Variants in GPC5 observed in about 807,000 individuals in gnomAD.
GPC5 encodes glypican-5.
In GPC5, 47 loss-of-function variants were observed where a neutral mutation model predicts 53.9. The ratio of observed to expected loss-of-function variants is 0.87; its 90% CI spans 0.69 to 1.11. The LOEUF (loss-of-function observed/expected upper bound fraction) is 1.11, where lower values mean the gene tolerates loss of function less well. GPC5 is among the 50% of genes most tolerant of loss of function. The pLI is 0.00. For synonymous variants in GPC5, 286 were observed against 263.3 expected, an observed-to-expected ratio of 1.09 and a Z score of -0.84; for missense variants, 748 against 713.1, an observed-to-expected ratio of 1.05 and a Z score of -0.56.
Position 92,141,552 on chromosome 13 carries a change from C to A in GPC5, c.1402-3278C>A, listed in dbSNP as rs117779796. ...CTAGAGAATCAAAAGCTTTCAAACA[C>A]AATTGCCAAGCAGTAAATGTGGCCC... On this transcript the variant is annotated intron_variant, in intron 6 of 7. Transcript: ENST00000377067. Among the ~76,000 whole-genome samples, 233 of 152,296 alleles carry A rather than the reference C, an allele frequency of 1.5e-3. 2 individuals carry two copies. In the East Asian group the frequency reaches 0.023, roughly 15 times the overall value.
At chr13:92,306,442 C>G (rs1466318376) in intron 7 of GPC5, among the ~76,000 whole-genome samples, 1 of 152,162 alleles carries the variant, frequency 6.6e-6, no homozygotes, top group African/African-American at 2.4e-5. Context: ...GTAAGGAGAG[C>G]TTGAGGGATC....
At chr13:91,856,735 T>G (rs2038971401) in intron 5 of GPC5, among the ~76,000 whole-genome samples, 1 of 151,380 alleles carries the variant, frequency 6.6e-6, no homozygotes, top group Admixed American at 6.6e-5. Context: ...TGCAGCTTGC[T>G]GTTTTATTTT....
intron 5 of GPC5, among the ~76,000 whole-genome samples, chr13:91,759,198 AT>A (rs1371921047): frequency 6.6e-6 from 1 of 152,044 alleles, no homozygotes; most frequent in Non-Finnish European, 1.5e-5. Context: ...TAAAATTTTA[AT>A]TTTAGTCATG....
chr13:92,016,303 T>C (rs1329561422), intron 6 of GPC5, among the ~76,000 whole-genome samples: 2 of 152,230 alleles, frequency 1.3e-5, no homozygotes, highest in African/African-American at 2.4e-5. Context: ...TCATATATTA[T>C]TTATACATTG....
At chr13:92,748,553 C>T (rs1594476309) in intron 7 of GPC5, among the ~76,000 whole-genome samples, 1 of 151,812 alleles carries the variant, frequency 6.6e-6, no homozygotes, top group African/African-American at 2.4e-5. Context: ...GAACTCCTGA[C>T]CTTGTGATCC....
chr13:91,472,520 C>G (rs1882691210), intron 2 of GPC5, among the ~76,000 whole-genome samples: 1 of 152,148 alleles, frequency 6.6e-6, no homozygotes, highest in South Asian at 2.1e-4. Context: ...ACATATATTT[C>G]TAGATTAATA....
At chr13:92,092,116 T>A (rs570014945) in intron 6 of GPC5, among the ~76,000 whole-genome samples, 14 of 152,320 alleles carry the variant, frequency 9.2e-5, no homozygotes, top group African/African-American at 3.1e-4. Context: ...ATATATCTCT[T>A]AAATGGTGTC....
At chr13:92,411,379 C>T (rs1238070714) in intron 7 of GPC5, among the ~76,000 whole-genome samples, 3 of 152,180 alleles carry the variant, frequency 2.0e-5, no homozygotes, top group African/African-American at 7.2e-5. Context: ...CATTCAAAAA[C>T]ATTTGCAGAT....
chr13:92,106,950 T>TC (rs1329948196), intron 6 of GPC5, among the ~76,000 whole-genome samples: 1 of 152,104 alleles, frequency 6.6e-6, no homozygotes, highest in Non-Finnish European at 1.5e-5. Context: ...ACAGTAATTC[T>TC]TTTTGTATTT....
At chr13:92,590,188 A>G (rs575188878) in intron 7 of GPC5, among the ~76,000 whole-genome samples, 86 of 152,264 alleles carry the variant, frequency 5.6e-4, no homozygotes, top group Non-Finnish European at 1.1e-3. Context: ...TAGTGAAAGT[A>G]CCTCAACGCC....
At chr13:92,798,291 A>G (rs771744523) in intron 7 of GPC5, among the ~76,000 whole-genome samples, 80 of 151,908 alleles carry the variant, frequency 5.3e-4, no homozygotes, top group Non-Finnish European at 8.8e-4. Flanking sequence ...GCAGCACAAG[A>G]TGATATACAC....
chr13:91,667,789 G>C (rs2035152055), intron 2 of GPC5, among the ~76,000 whole-genome samples: 1 of 152,148 alleles, frequency 6.6e-6, no homozygotes, highest in Non-Finnish European at 1.5e-5. Context: ...ATGTGGAGTT[G>C]AGTTGGTCCT....
chr13:91,661,375 G>A (rs1257120893), intron 2 of GPC5, among the ~76,000 whole-genome samples: 1 of 152,226 alleles, frequency 6.6e-6, no homozygotes, highest in African/African-American at 2.4e-5. Context: ...CTCATTCCAG[G>A]AGAAGATGCC....
chr13:92,161,160 A>G (rs890421097), intron 7 of GPC5, among the ~76,000 whole-genome samples: 2 of 152,120 alleles, frequency 1.3e-5, no homozygotes, highest in South Asian at 4.1e-4. Context: ...CATGGAGTAT[A>G]TAACCTGCAT....
chr13:92,193,671 T>A (rs1236923383), intron 7 of GPC5, among the ~76,000 whole-genome samples: 1 of 152,226 alleles, frequency 6.6e-6, no homozygotes, highest in Non-Finnish European at 1.5e-5. Flanking sequence ...CCTACTGGTG[T>A]GCTAAGGAAT....
intron 5 of GPC5, among the ~76,000 whole-genome samples, chr13:91,770,605 T>C (rs988794252): frequency 6.6e-6 from 1 of 152,128 alleles, no homozygotes; most frequent in African/African-American, 2.4e-5. Flanking sequence ...TTAGACACTA[T>C]GTGTCAGGAA....
chr13:91,958,726 C>A (rs1348622815), intron 6 of GPC5, among the ~76,000 whole-genome samples: 2 of 151,964 alleles, frequency 1.3e-5, no homozygotes, highest in Non-Finnish European at 2.9e-5. Context: ...ACAAGAGGAA[C>A]TCAGGAAACT....
At chr13:91,737,712 C>T (rs554020953) in intron 4 of GPC5, among the ~76,000 whole-genome samples, 3 of 151,202 alleles carry the variant, frequency 2.0e-5, no homozygotes, top group South Asian at 4.2e-4. Flanking sequence ...GATATGGCAC[C>T]CTAATTTAGA....
intron 7 of GPC5, among the ~76,000 whole-genome samples, chr13:92,486,347 G>A (rs995767988): frequency 1.2e-4 from 18 of 152,132 alleles, no homozygotes; most frequent in African/African-American, 4.3e-4. Context: ...GCTTTTATCT[G>A]TTGGCATCAT....
Sources: allele counts gnomAD v4.1 joint callset (sites outside exome capture counted in the v4.1 genomes callset), GRCh38; gene constraint gnomAD v4.1.1; transcripts MANE v1.5; gene names NCBI Gene and HGNC (gene_info 2026-07-23, HGNC 2026-07-21).